Variants in CNTNAP2 observed in about 807,000 individuals in gnomAD.
The protein encoded by CNTNAP2 is contactin associated protein 2.
Under a neutral mutation model 155.2 loss-of-function variants are expected in CNTNAP2, and 98 were observed. That is an observed-to-expected ratio of 0.63 (90% CI 0.54 to 0.75). The LOEUF is 0.75. Ranked by LOEUF, CNTNAP2 falls within the 30% of genes least tolerant of loss-of-function variation. The pLI, the probability that CNTNAP2 is intolerant of heterozygous loss-of-function variation, is 0.00. For synonymous variants in CNTNAP2, 651 were observed against 631.2 expected (o/e 1.03, Z -0.47); for missense variants, 1,727 against 1,688.1 (o/e 1.02, Z -0.40).
chr7:147,647,247 C>T (rs146910317), intron 13 of CNTNAP2, among the ~76,000 whole-genome samples: 2,355 of 151,732 alleles, frequency 0.016, 53 homozygotes, highest in African/African-American at 0.053. Context: ...GCAATCTGCC[C>T]GCCTTGGCCT....
chr7:147,547,885 T>G (rs1799772024), intron 11 of CNTNAP2, among the ~76,000 whole-genome samples: 1 of 152,152 alleles, frequency 6.6e-6, no homozygotes, highest in Non-Finnish European at 1.5e-5. Flanking sequence ...TGTGTTAGTT[T>G]GCTAAGGATG....
At chr7:146,832,790 G>T (rs1803538890) in intron 2 of CNTNAP2, among the ~76,000 whole-genome samples, 1 of 151,698 alleles carries the variant, frequency 6.6e-6, no homozygotes, top group Non-Finnish European at 1.5e-5. Flanking sequence ...CTGCCTCCTG[G>T]GTTCAAGCGA....
At chr7:148,339,515 T>G (rs1798186879) in intron 21 of CNTNAP2, 1 of 152,154 alleles carries the variant, frequency 6.6e-6, no homozygotes, top group Non-Finnish European at 1.5e-5. Flanking sequence ...CCGCCGGGAC[T>G]CGGGCTGCCG....
At position 147,618,611 on chromosome 7, in the gene CNTNAP2, A is replaced by G. The variant is rs563243923; in HGVS notation, c.1898-20495A>G. Among the ~76,000 whole-genome samples, 371 of 151,412 alleles carry G rather than the reference A, an allele frequency of 2.5e-3. 4 individuals carry two copies. The highest frequency in any genetic ancestry group is 3.5e-3 in the Middle Eastern group (1 of 282). ...TTCAGACTGTATATGAATAACATAGAAAAGAATCAGGAAACAGCTATAAAA... is the reference window on the plus strand; with the variant it reads ...TTCAGACTGTATATGAATAACATAGGAAAGAATCAGGAAACAGCTATAAAA... On this transcript the variant is annotated intron_variant, in intron 12 of 23. Transcript: ENST00000361727.
Position 148,366,113 on chromosome 7 carries a change from CATGTAT to C in CNTNAP2, c.3476-17535_3476-17530del, listed in dbSNP as rs1798763274. Among the ~76,000 whole-genome samples, 4 of 18,742 alleles carry C rather than the reference CATGTAT, an allele frequency of 2.1e-4. 2 individuals carry two copies. Among genetic ancestry groups the C allele is most frequent in the Admixed American group, 1.2e-3 (2 of 1,636 alleles). The allele number at this position is 18,742 out of a possible 152,430, so 12.3% of individuals were successfully genotyped here. On this transcript the variant is annotated intron_variant, in intron 21 of 23. Coordinates refer to ENST00000361727, the MANE Select transcript of CNTNAP2 (RefSeq NM_014141.6). ...ATACATGTATGTGTATGCATGTATG[CATGTAT>C]GTGTATGCATGTATGCATGTATGTG...
At chr7:147,061,217 C>A (rs1244372946) in intron 4 of CNTNAP2, among the ~76,000 whole-genome samples, 5 of 151,984 alleles carry the variant, frequency 3.3e-5, no homozygotes, top group African/African-American at 4.8e-5. Flanking sequence ...TACTTACAGT[C>A]AGAAATAATG....
chr7:147,088,028 G>A (rs1482792161), intron 4 of CNTNAP2, among the ~76,000 whole-genome samples: 1 of 152,088 alleles, frequency 6.6e-6, no homozygotes, highest in Non-Finnish European at 1.5e-5. Context: ...GTCATCTTTT[G>A]CCTGTAGTGC....
intron 21 of CNTNAP2, among the ~76,000 whole-genome samples, chr7:148,309,583 AG>A (rs1797555542): frequency 6.6e-6 from 1 of 151,840 alleles, no homozygotes; most frequent in African/African-American, 2.4e-5. Context: ...TTACAGTCAA[AG>A]GGGGGTTATT....
intron 13 of CNTNAP2, among the ~76,000 whole-genome samples, chr7:147,805,154 C>T (rs112196291): frequency 0.033 from 4,946 of 151,908 alleles, 137 homozygotes; most frequent in Non-Finnish European, 0.051. Context: ...TCACTGCAAC[C>T]TCCACCACCC....
At chr7:148,219,091 C>T (rs1795697008) in intron 19 of CNTNAP2, among the ~76,000 whole-genome samples, 2 of 151,812 alleles carry the variant, frequency 1.3e-5, no homozygotes, top group South Asian at 4.2e-4. Context: ...TACAGGCCTG[C>T]ACCACCACGC....
intron 1 of CNTNAP2, among the ~76,000 whole-genome samples, chr7:146,757,706 G>A (rs192447158): frequency 2.0e-5 from 3 of 152,224 alleles, no homozygotes; most frequent in Admixed American, 1.3e-4. Context: ...TAAAAATATA[G>A]GTGTTGGGAA....
chr7:147,991,175 C>T (rs1438126070), intron 15 of CNTNAP2, among the ~76,000 whole-genome samples: 3 of 152,200 alleles, frequency 2.0e-5, no homozygotes, highest in African/African-American at 7.2e-5. Flanking sequence ...TCTCTTTTCT[C>T]TATTTATTTG....
intron 11 of CNTNAP2, among the ~76,000 whole-genome samples, chr7:147,518,449 T>G (rs1465803915): frequency 1.3e-5 from 2 of 152,136 alleles, no homozygotes; most frequent in African/African-American, 4.8e-5. Flanking sequence ...GTCTGGACTT[T>G]GGGGGCCTGT....
intron 13 of CNTNAP2, among the ~76,000 whole-genome samples, chr7:147,680,744 C>A (rs1344551505): frequency 6.6e-6 from 1 of 151,856 alleles, no homozygotes; most frequent in East Asian, 1.9e-4. Flanking sequence ...TGCCATTGCA[C>A]ATGCTCTCTC....
At chr7:148,175,717 GC>G (rs1427896284) in intron 18 of CNTNAP2, among the ~76,000 whole-genome samples, 1 of 152,048 alleles carries the variant, frequency 6.6e-6, no homozygotes, top group Non-Finnish European at 1.5e-5. Context: ...TCATAAAATA[GC>G]CCAGGGGGAC....
chr7:147,281,464 A>C (rs904263430), intron 8 of CNTNAP2, among the ~76,000 whole-genome samples: 1 of 151,772 alleles, frequency 6.6e-6, no homozygotes, highest in African/African-American at 2.4e-5. Context: ...ATAGTATTGA[A>C]TAATTGAATG....
At chr7:148,334,197 T>A (rs1798078756) in intron 21 of CNTNAP2, among the ~76,000 whole-genome samples, 1 of 152,136 alleles carries the variant, frequency 6.6e-6, no homozygotes, top group Non-Finnish European at 1.5e-5. Context: ...TGACCTGGAA[T>A]TCAGGCATGT....
In CNTNAP2 at chr7:146,183,561, C is replaced by T. The variant is rs59695446; in HGVS notation, c.97+66588C>T. On this transcript the variant is annotated intron_variant, in intron 1 of 23. Coordinates refer to ENST00000361727, the MANE Select transcript of CNTNAP2 (RefSeq NM_014141.6). The stretch of plus-strand genomic sequence containing the variant: ...CAAGAGGCTGAGTCAGCCAGTGCTG[C>T]CGCAGATCTGCTGTCAGCACCATCA... 8.0e-3 allele frequency among the ~76,000 whole-genome samples: 1,207 copies of T among 151,686 alleles called. 81 individuals carry two copies. In the East Asian group the frequency reaches 0.18, roughly 22 times the overall value.
intron 1 of CNTNAP2, among the ~76,000 whole-genome samples, chr7:146,126,353 A>G (rs954228769): frequency 5.9e-5 from 9 of 152,224 alleles, no homozygotes; most frequent in African/African-American, 1.2e-4. Flanking sequence ...CTTAAAAATT[A>G]CATTGGTAAA....
Sources: gnomAD v4.1 joint callset for allele counts (sites outside exome capture counted in the v4.1 genomes callset) on GRCh38, gnomAD v4.1.1 for gene constraint, MANE v1.5 for transcripts, NCBI Gene and HGNC (gene_info 2026-07-23, HGNC 2026-07-21) for gene names.